The following GNAQ variants were observed in gnomAD, a reference collection of about 807,000 sequenced individuals.
GNAQ encodes G protein subunit alpha q, also known as guanine nucleotide-binding protein G(q) subunit alpha.
A neutral mutation model predicts 43.9 loss-of-function variants in GNAQ; 8 were observed. That is an observed-to-expected ratio of 0.18 (90% CI 0.11 to 0.33). GNAQ has a LOEUF of 0.33. Ranked by LOEUF, GNAQ falls within the 10% of genes least tolerant of loss-of-function variation. The probability of loss-of-function intolerance (pLI) is 1.00; values close to 1 mark genes in which losing one functional copy is unlikely to be tolerated. For synonymous variants in GNAQ, 155 were observed against 170.7 expected, an observed-to-expected ratio of 0.91 and a Z score of 0.71; for missense variants, 158 against 450.8, an observed-to-expected ratio of 0.35 and a Z score of 5.88.
intron 2 of GNAQ, among the ~76,000 whole-genome samples, chr9:77,885,661 G>T (rs568006371): frequency 6.6e-6 from 1 of 152,110 alleles, no homozygotes; most frequent in South Asian, 2.1e-4. Context: ...TACTGTCTCA[G>T]TACGGATGGA....
At chr9:77,866,927 T>C (rs1161638291) in intron 2 of GNAQ, among the ~76,000 whole-genome samples, 1 of 152,254 alleles carries the variant, frequency 6.6e-6, no homozygotes, top group Non-Finnish European at 1.5e-5. Flanking sequence ...ATGCTTTGCA[T>C]CTTAAACTGA....
intron 1 of GNAQ, among the ~76,000 whole-genome samples, chr9:78,006,312 A>G (rs898243605): frequency 6.6e-6 from 1 of 152,232 alleles, no homozygotes; most frequent in Non-Finnish European, 1.5e-5. Context: ...AATTATGTCA[A>G]TAAAAAAGAA....
chr9:77,802,488 A>T (rs945527072), intron 3 of GNAQ, among the ~76,000 whole-genome samples: 2 of 150,006 alleles, frequency 1.3e-5, no homozygotes, highest in Non-Finnish European at 3.0e-5. Flanking sequence ...TTTCTATTCT[A>T]AAAAAAAAAT....
intron 1 of GNAQ, among the ~76,000 whole-genome samples, chr9:78,020,487 A>G (rs914901740): frequency 2.6e-5 from 4 of 152,172 alleles, no homozygotes; most frequent in Admixed American, 2.6e-4. Context: ...CTCCCATTCC[A>G]CCAAGGCGTC....
intron 5 of GNAQ, among the ~76,000 whole-genome samples, chr9:77,746,546 T>C (rs1587895395): frequency 6.6e-6 from 1 of 152,054 alleles, no homozygotes; most frequent in South Asian, 2.1e-4. Flanking sequence ...GCTAGAGATA[T>C]ACACACACAA....
At chr9:77,789,292 T>A (rs1233288733) in intron 5 of GNAQ, among the ~76,000 whole-genome samples, 1 of 152,126 alleles carries the variant, frequency 6.6e-6, no homozygotes, top group Non-Finnish European at 1.5e-5. Context: ...CTTCAGTTCA[T>A]CAAAAGATAC....
intron 2 of GNAQ, among the ~76,000 whole-genome samples, chr9:77,906,440 T>A (rs1587400892): frequency 6.6e-6 from 1 of 152,162 alleles, no homozygotes; most frequent in African/African-American, 2.4e-5. Context: ...ATAATCTTTA[T>A]CAAAAGCCTC....
At chr9:77,954,067 T>C (rs946040564) in intron 1 of GNAQ, among the ~76,000 whole-genome samples, 2 of 152,232 alleles carry the variant, frequency 1.3e-5, no homozygotes, top group Non-Finnish European at 2.9e-5. Flanking sequence ...AACTCTAACA[T>C]GAAAACTGTT....
chr9:77,862,456 C>T (rs1011434739), intron 2 of GNAQ, among the ~76,000 whole-genome samples: 4 of 152,182 alleles, frequency 2.6e-5, no homozygotes, highest in South Asian at 2.1e-4. Flanking sequence ...GTGGAAGCTG[C>T]CAAGGTTTGG....
At chr9:77,744,412 G>A (rs1322375181) in intron 5 of GNAQ, among the ~76,000 whole-genome samples, 1 of 151,954 alleles carries the variant, frequency 6.6e-6, no homozygotes, top group Non-Finnish European at 1.5e-5. Context: ...CTTTTTCCTG[G>A]GCACTTATAA....
At chr9:77,766,754 G>C (rs535274730) in intron 5 of GNAQ, among the ~76,000 whole-genome samples, 7 of 152,260 alleles carry the variant, frequency 4.6e-5, no homozygotes, top group African/African-American at 1.7e-4. Context: ...TGTTTAACTA[G>C]TGACAACTGG....
At chr9:77,915,048 C>A (rs1828875118) in intron 2 of GNAQ, among the ~76,000 whole-genome samples, 1 of 152,156 alleles carries the variant, frequency 6.6e-6, no homozygotes, top group African/African-American at 2.4e-5. Context: ...ATAACAGCAT[C>A]ATCTCTTTTT....
chr9:77,814,914 C>T (rs1397498451), intron 3 of GNAQ, among the ~76,000 whole-genome samples: 2 of 152,214 alleles, frequency 1.3e-5, no homozygotes, highest in African/African-American at 4.8e-5. Flanking sequence ...ACATTGATCA[C>T]ATTAATCCAA....
chr9:77,717,241 G>A lies in GNAQ; in HGVS notation c.*4082C>T, dbSNP rs1267091735. ...GGAAGAAAATATTAATGTATACCAA[G>A]CACACCTTATTTGTATCAATTGAGA... On this transcript the variant is annotated 3_prime_UTR_variant, in exon 7 of 7. Coordinates refer to ENST00000286548, the MANE Select transcript of GNAQ (RefSeq NM_002072.5). 2.6e-5 allele frequency: 6 copies of A among 232,164 alleles called. No individual in the cohort carries two copies. The highest frequency in any genetic ancestry group is 3.4e-5 in the Non-Finnish European group (4 of 117,558). 14.4% of individuals were successfully genotyped at this position (232,164 alleles called of 1,614,324 possible).
At chr9:77,732,760 G>A (rs1476963535) in intron 5 of GNAQ, among the ~76,000 whole-genome samples, 1 of 152,174 alleles carries the variant, frequency 6.6e-6, no homozygotes, top group East Asian at 1.9e-4. Context: ...GCTTCCAACT[G>A]CCAGTTGTCC....
intron 1 of GNAQ, among the ~76,000 whole-genome samples, chr9:77,984,904 A>G (rs1251096132): frequency 6.6e-6 from 1 of 152,204 alleles, no homozygotes; most frequent in Non-Finnish European, 1.5e-5. Flanking sequence ...GAGAGGAGAA[A>G]GCAGAGAATT....
At chr9:77,881,367 T>C (rs1828204395) in intron 2 of GNAQ, among the ~76,000 whole-genome samples, 1 of 152,182 alleles carries the variant, frequency 6.6e-6, no homozygotes. Flanking sequence ...AAATGAAAAG[T>C]GTCCCATTGG....
intron 2 of GNAQ, among the ~76,000 whole-genome samples, chr9:77,921,580 A>C (rs1301389625): frequency 6.6e-6 from 1 of 152,182 alleles, no homozygotes; most frequent in Non-Finnish European, 1.5e-5. Context: ...TATTCCCCCA[A>C]TCCTTTTTCA....
At chr9:77,826,812 A>G (rs1250928316) in intron 2 of GNAQ, among the ~76,000 whole-genome samples, 1 of 152,246 alleles carries the variant, frequency 6.6e-6, no homozygotes, top group African/African-American at 2.4e-5. Context: ...ACGGGTCAGT[A>G]AACAGAAACA....
Sources: allele counts gnomAD v4.1 joint callset (sites outside exome capture counted in the v4.1 genomes callset), GRCh38; gene constraint gnomAD v4.1.1; transcripts MANE v1.5; gene names NCBI Gene and HGNC (gene_info 2026-07-23, HGNC 2026-07-21).